Variants in LUZP4 observed in about 807,000 individuals in gnomAD.
LUZP4 encodes the protein HOM-TES-85 tumor antigen.
LUZP4 carries 11 observed loss-of-function variants against 8.5 expected under a neutral mutation model. The ratio of observed to expected loss-of-function variants is 1.30; its 90% CI spans 0.82 to 2.14. The LOEUF is 2.14. Among genes scored for constraint, LUZP4 ranks in the 30% most tolerant of loss-of-function variants. The probability of loss-of-function intolerance (pLI) is 0.00; values close to 1 mark genes in which losing one functional copy is unlikely to be tolerated. For synonymous variants in LUZP4, 104 were observed against 79.4 expected (o/e 1.31, Z -1.65); for missense variants, 276 against 229.7 (o/e 1.20, Z -1.30).
Position 115,303,324 on chromosome X carries a change from C to CTTT in LUZP4, c.249_250insTTT (p.Ser83_Glu84insPhe). 2 of 1,190,757 alleles carry CTTT rather than the reference C, an allele frequency of 1.7e-6. No homozygotes were observed. The highest frequency in any genetic ancestry group is 2.3e-6 in the Non-Finnish European group (2 of 882,278). ...GGCTACTCAAGATGCAGAAGCAACT[C>CTTT]TGAGGAAGGAAATCATGATAAAAAA... On this transcript the variant is annotated inframe_insertion, in exon 3 of 4. Transcript: ENST00000371920.
At chrX:115,293,907 T>C (rs1955259719) in intron 1 of LUZP4, among the ~76,000 whole-genome samples, 1 of 108,938 alleles carries the variant, frequency 9.2e-6, no homozygotes, top group Non-Finnish European at 1.9e-5. Flanking sequence ...GCCGAGATTG[T>C]GCCACTGCAC....
At chrX:115,293,611 G>T (rs1556597836) in intron 1 of LUZP4, among the ~76,000 whole-genome samples, 1 of 110,549 alleles carries the variant, frequency 9.0e-6, no homozygotes, top group Non-Finnish European at 1.9e-5. Flanking sequence ...AAAAAAGCTT[G>T]ATATTTTGTT....
chrX:115,293,672 C>T (rs180835411), intron 1 of LUZP4, among the ~76,000 whole-genome samples: 8 of 110,619 alleles, frequency 7.2e-5, no homozygotes, highest in South Asian at 3.9e-4. Flanking sequence ...TACTGTGAGG[C>T]GGGCGTGGTG....
In LUZP4 at chrX:115,291,465, G is replaced by A. The variant is rs782513325; in HGVS notation, c.91+1615G>A. ...GGGAGCTGAGCTTCAATGTGGAAGC[G>A]CAGGAGTGGAGCAAGGAGAAGCAGG... On this transcript the variant is annotated intron_variant, in intron 1 of 3. Transcript: ENST00000371920. Among the ~76,000 whole-genome samples, 14 of 111,091 alleles carry A rather than the reference G, an allele frequency of 1.3e-4. 1 individual carries two copies. The South Asian group carries it at 4.6e-3, about 37-fold the overall frequency.
At chrX:115,298,772 A>G (rs147249072) in intron 1 of LUZP4, among the ~76,000 whole-genome samples, 1,479 of 111,659 alleles carry the variant, frequency 0.013, 15 homozygotes, top group African/African-American at 0.046. Flanking sequence ...AAGGTCACAT[A>G]TCTCTGTTTT....
chrX:115,298,857 T>C (rs1484634808), intron 1 of LUZP4, among the ~76,000 whole-genome samples: 1 of 111,494 alleles, frequency 9.0e-6, no homozygotes, highest in Admixed American at 9.6e-5. Flanking sequence ...TTGATACTAG[T>C]AGATGTTCTT....
At chrX:115,291,576 G>A (rs782686239) in intron 1 of LUZP4, among the ~76,000 whole-genome samples, 5 of 111,030 alleles carry the variant, frequency 4.5e-5, no homozygotes, top group Non-Finnish European at 9.4e-5. Context: ...AGAGCAGGGA[G>A]GGCTGAACTT....
chrX:115,291,054 C>T (rs1556596539), intron 1 of LUZP4, among the ~76,000 whole-genome samples: 1 of 111,241 alleles, frequency 9.0e-6, no homozygotes, highest in Non-Finnish European at 1.9e-5. Flanking sequence ...CCTTCTCGGC[C>T]TCCCAAAGTC....
chrX:115,298,831 G>T (rs1449754424), intron 1 of LUZP4, among the ~76,000 whole-genome samples: 3 of 111,442 alleles, frequency 2.7e-5, no homozygotes, highest in Admixed American at 9.6e-5. Flanking sequence ...GTGAGGTCAT[G>T]TTTTCCTGGA....
At chrX:115,294,328 A>G (rs1225130816) in intron 1 of LUZP4, among the ~76,000 whole-genome samples, 2 of 112,276 alleles carry the variant, frequency 1.8e-5, no homozygotes, top group Admixed American at 9.5e-5. Flanking sequence ...TAGTTGTGTG[A>G]CCTTGTGCAA....
rs2073429148 is a variant in LUZP4, at chrX:115,307,457, G to T, written c.*653G>T. On this transcript the variant is annotated 3_prime_UTR_variant, in exon 4 of 4. Coordinates refer to ENST00000371920, the MANE Select transcript of LUZP4 (RefSeq NM_016383.5). ...GGTAGGTCTGTCTACCCTAGCAAAA[G>T]AAACACAGAAATTTAAATGTACTGG... The T allele has an allele frequency of 8.9e-6, 1 of 111,773 alleles. No homozygotes were observed. Among genetic ancestry groups the T allele is most frequent in the African/African-American group, 3.3e-5 (1 of 30,709 alleles). The allele number at this position is 111,773 out of a possible 1,213,427, so 9.2% of individuals were successfully genotyped here.
intron 1 of LUZP4, among the ~76,000 whole-genome samples, chrX:115,291,593 G>A (rs1487648208): frequency 9.0e-6 from 1 of 111,058 alleles, no homozygotes; most frequent in Admixed American, 9.6e-5. Context: ...ACTTTAAAAG[G>A]GGCAGGATAA....
At chrX:115,295,486 A>G (rs1299720113) in intron 1 of LUZP4, among the ~76,000 whole-genome samples, 1 of 105,954 alleles carries the variant, frequency 9.4e-6, no homozygotes, top group African/African-American at 3.3e-5. Flanking sequence ...AAATTTCCCC[A>G]TGTTTTTCTC....
chrX:115,306,972 AGCTATCATCCAGTTACCCAG>A lies in LUZP4; in HGVS notation c.*170_*189del. ...TATTGTTTCAACTTGATGTCCTCTA[AGCTATCATCCAGTTACCCAG>A]GATGTCCCATTAAGTTGTTCCCGGT... On this transcript the variant is annotated 3_prime_UTR_variant, in exon 4 of 4. Coordinates refer to ENST00000371920, the MANE Select transcript of LUZP4 (RefSeq NM_016383.5). The A allele has an allele frequency of 2.0e-6, 1 of 507,998 alleles. No individual in the cohort carries two copies. Among genetic ancestry groups the A allele is most frequent in the Non-Finnish European group, 3.2e-6 (1 of 313,919 alleles). 41.9% of individuals were successfully genotyped at this position (507,998 alleles called of 1,213,427 possible).
At chrX:115,290,606 C>T in intron 1 of LUZP4, among the ~76,000 whole-genome samples, 1 of 111,362 alleles carries the variant, frequency 9.0e-6, no homozygotes, top group Non-Finnish European at 1.9e-5. Context: ...TATTATCCAT[C>T]TTAGAAATGG....
intron 1 of LUZP4, among the ~76,000 whole-genome samples, chrX:115,301,041 CACTAGT>C: frequency 9.0e-6 from 1 of 111,082 alleles, no homozygotes; most frequent in Non-Finnish European, 1.9e-5. Flanking sequence ...CCTGAGGCAG[CACTAGT>C]ACTAAGCAAA....
At chrX:115,292,804 C>T (rs1203168627) in intron 1 of LUZP4, among the ~76,000 whole-genome samples, 5 of 110,940 alleles carry the variant, frequency 4.5e-5, no homozygotes, top group African/African-American at 1.3e-4. Context: ...ACCTGCCTCC[C>T]ACTTTACTTC....
At chrX:115,300,455 G>A (rs1191923047) in intron 1 of LUZP4, among the ~76,000 whole-genome samples, 2 of 112,770 alleles carry the variant, frequency 1.8e-5, no homozygotes, top group Non-Finnish European at 3.7e-5. Flanking sequence ...GTGTTGGGCT[G>A]CATTCAAAAC....
chrX:115,297,208 T>C (rs1457042227), intron 1 of LUZP4, among the ~76,000 whole-genome samples: 2 of 112,191 alleles, frequency 1.8e-5, no homozygotes, highest in Non-Finnish European at 3.8e-5. Flanking sequence ...TATATTTTAT[T>C]GTACTACCTA....
Sources: gnomAD v4.1 joint callset for allele counts (sites outside exome capture counted in the v4.1 genomes callset) on GRCh38, gnomAD v4.1.1 for gene constraint, MANE v1.5 for transcripts, NCBI Gene and HGNC (gene_info 2026-07-23, HGNC 2026-07-21) for gene names.